Variants in ZNF697 observed in about 807,000 individuals in gnomAD.
The protein encoded by ZNF697 is zinc finger protein 697.
ZNF697 carries 23 observed loss-of-function variants against 32.4 expected under a neutral mutation model. That is an observed-to-expected ratio of 0.71 (90% CI 0.51 to 1.01). The LOEUF (loss-of-function observed/expected upper bound fraction) is 1.01. ZNF697 is among the 50% of genes least tolerant of loss of function. The probability of loss-of-function intolerance (pLI) is 0.00; values close to 1 mark genes in which losing one functional copy is unlikely to be tolerated. For synonymous variants in ZNF697, 418 were observed against 337.2 expected (o/e 1.24, Z -2.62); for missense variants, 930 against 794.0 (o/e 1.17, Z -2.06).
rs948143089 is a variant in ZNF697 at position 119,620,719 on chromosome 1, A to G, written c.*1986T>C. 6.6e-6 allele frequency: 1 copy of G among 152,670 alleles called. No homozygotes were observed. 9.5% of individuals were successfully genotyped at this position (152,670 alleles called of 1,614,324 possible). On this transcript the variant is annotated 3_prime_UTR_variant, in exon 3 of 3. Transcript: ENST00000421812. Reference sequence around the variant, plus strand: ...GATTAAGAGGGCAAGATCAACAGGCATTATACAAGCCCAGAATTATCAGGA... The same window carrying G: ...GATTAAGAGGGCAAGATCAACAGGCGTTATACAAGCCCAGAATTATCAGGA...
intron 1 of ZNF697, among the ~76,000 whole-genome samples, chr1:119,641,107 C>G (rs1432547563): frequency 6.6e-6 from 1 of 152,152 alleles, no homozygotes; most frequent in Non-Finnish European, 1.5e-5. Context: ...TACCACACCA[C>G]CTATTCAATC....
chr1:119,621,265 GTCAGGCTACAATTAT>G lies in ZNF697; in HGVS notation c.*1425_*1439del, dbSNP rs1363746701. On this transcript the variant is annotated 3_prime_UTR_variant, in exon 3 of 3. Transcript: ENST00000421812. ...GCAGCTGAGCTGGAGAATGCAAAAG[GTCAGGCTACAATTAT>G]TCACACTGTCCTCAGCCTCTCTTCA... 7 of 152,288 alleles carry G rather than the reference GTCAGGCTACAATTAT, an allele frequency of 4.6e-5. No homozygotes were observed. The highest frequency in any genetic ancestry group is 4.6e-4 in the Admixed American group (7 of 15,284). 9.4% of individuals were successfully genotyped at this position (152,288 alleles called of 1,614,324 possible). A position where few individuals can be genotyped will look rare whatever the true frequency, so the allele number is the denominator to read the frequency against.
chr1:119,625,488 C>A (rs1193217414), intron 2 of ZNF697, among the ~76,000 whole-genome samples: 1 of 152,186 alleles, frequency 6.6e-6, no homozygotes, highest in Non-Finnish European at 1.5e-5. Context: ...CATCTGGATA[C>A]CTCCTATTTG....
chr1:119,638,005 GGAAGACCAT>G (rs1322646816), intron 1 of ZNF697, among the ~76,000 whole-genome samples: 1 of 151,648 alleles, frequency 6.6e-6, no homozygotes, highest in African/African-American at 2.4e-5. Flanking sequence ...AAAGGAGAGG[GGAAGACCAT>G]GAAGCCTCAA....
Position 119,625,991 on chromosome 1 carries a change from C to G in ZNF697, c.110G>C (p.Arg37Thr). Reference sequence around the variant, plus strand: ...GTCATGTGGATTAGAGCCCATTTCTCTTTCTTCTGGGTCCCCTTCCCTGTC... The same window carrying G: ...GTCATGTGGATTAGAGCCCATTTCTGTTTCTTCTGGGTCCCCTTCCCTGTC... ...SEDREGDPEE[R>T]EMGSNPHDTN... Residue 37 changes from arginine to threonine, a missense_variant, in exon 2 of 3, where the codon AGA (arginine) becomes ACA (threonine). Transcript: ENST00000421812. 1.9e-6 allele frequency: 3 copies of G among 1,614,048 alleles called. No homozygotes were observed. The highest frequency in any genetic ancestry group is 1.7e-6 in the Non-Finnish European group (2 of 1,179,904).
chr1:119,639,945 C>G (rs1357289500), intron 1 of ZNF697, among the ~76,000 whole-genome samples: 1 of 152,162 alleles, frequency 6.6e-6, no homozygotes, highest in African/African-American at 2.4e-5. Context: ...AATTGTTCAA[C>G]CTCTTTTGGC....
intron 1 of ZNF697, among the ~76,000 whole-genome samples, chr1:119,630,016 C>T (rs1553229182): frequency 6.6e-6 from 1 of 152,310 alleles, no homozygotes; most frequent in Middle Eastern, 3.4e-3. Flanking sequence ...TAAACCCTAA[C>T]GTACACCATC....
chr1:119,639,280 C>T (rs1043830013), intron 1 of ZNF697, among the ~76,000 whole-genome samples: 1 of 152,166 alleles, frequency 6.6e-6, no homozygotes, highest in Non-Finnish European at 1.5e-5. Context: ...GCAGTACACA[C>T]TCTTACTAGT....
chr1:119,631,603 G>A (rs1470914753), intron 1 of ZNF697, among the ~76,000 whole-genome samples: 4 of 151,912 alleles, frequency 2.6e-5, no homozygotes, highest in Non-Finnish European at 5.9e-5. Context: ...GGCCCCGCTT[G>A]GGCCCCGCCT....
chr1:119,623,318 G>A lies in ZNF697; in HGVS notation c.1025C>T (p.Ala342Val). 1.5e-6 allele frequency: 2 copies of A among 1,304,620 alleles called. No individual in the cohort carries two copies. The highest frequency in any genetic ancestry group is 3.4e-5 in the East Asian group (1 of 29,270). The allele number at this position is 1,304,620 out of a possible 1,614,324, so 80.8% of individuals were successfully genotyped here. The change falls in exon 3 of 3, where the codon GCC becomes GTC. Residue 342 changes from alanine to valine, a missense_variant. By Grantham distance (64) the Ala-to-Val change is moderately conservative. Coordinates refer to ENST00000421812, the MANE Select transcript of ZNF697 (RefSeq NM_001080470.2). ...CAGCGCCGCCGCCCCCGCGCCGCTGGCCGCCGCGTGCGCGCGCCGGTGGCT... is the reference window on the plus strand; with the variant it reads ...CAGCGCCGCCGCCCCCGCGCCGCTGACCGCCGCGTGCGCGCGCCGGTGGCT... ...LLSHRRAHAA[A>V]SGAGAAALRP...
At chr1:119,630,704 T>G (rs1648736651) in intron 1 of ZNF697, among the ~76,000 whole-genome samples, 1 of 151,966 alleles carries the variant, frequency 6.6e-6, no homozygotes, top group South Asian at 2.1e-4. Flanking sequence ...TACAAAAACT[T>G]TTTACAAAAT....
At position 119,623,504 on chromosome 1, in the gene ZNF697, A is replaced by C. The variant is rs1256809319; in HGVS notation, c.839T>G (p.Leu280Arg). ...GGGCCGCTCGCCCGTGTGCAGGCGC[A>C]GGTGGTTGGTCAGGTAGGTGTTGCG... ...FSRNTYLTNH[L>R]RLHTGERPNL... The change falls in exon 3 of 3, where the codon CTG (leucine) becomes CGG (arginine). Residue 280 changes from leucine to arginine, a missense_variant. Transcript: ENST00000421812. 10 of 1,565,676 alleles carry C rather than the reference A, an allele frequency of 6.4e-6. 1 individual carries two copies. The highest frequency in any genetic ancestry group is 1.8e-5 in the Admixed American group (1 of 55,120).
intron 1 of ZNF697, among the ~76,000 whole-genome samples, chr1:119,635,082 A>C (rs779319961): frequency 6.6e-6 from 1 of 152,254 alleles, no homozygotes; most frequent in Non-Finnish European, 1.5e-5. Context: ...TGGTATATAT[A>C]GGCTTATTAC....
chr1:119,635,047 A>G (rs2101090002), intron 1 of ZNF697, among the ~76,000 whole-genome samples: 1 of 152,346 alleles, frequency 6.6e-6, no homozygotes, highest in East Asian at 1.9e-4. Context: ...TTGGTCATAT[A>G]TTGACCACTG....
intron 1 of ZNF697, among the ~76,000 whole-genome samples, chr1:119,630,450 C>T (rs1648728603): frequency 6.6e-6 from 1 of 152,212 alleles, no homozygotes; most frequent in Non-Finnish European, 1.5e-5. Flanking sequence ...AACAAGACTG[C>T]TCAAATCCTG....
Position 119,647,322 on chromosome 1 carries a change from A to G in ZNF697, c.-38+369T>C, listed in dbSNP as rs190022282. 7.0e-4 allele frequency among the ~76,000 whole-genome samples: 106 copies of G among 152,142 alleles called. 1 individual carries two copies. The highest frequency in any genetic ancestry group is 2.5e-3 in the African/African-American group (105 of 41,526). ...GGCATCCCCGCGAGGTGCAGGTTCCAGCTTTGCCCACCACCCCACCACCTA... is the reference window on the plus strand; with the variant it reads ...GGCATCCCCGCGAGGTGCAGGTTCCGGCTTTGCCCACCACCCCACCACCTA... On this transcript the variant is annotated intron_variant, in intron 1 of 2. Transcript: ENST00000421812.
In ZNF697 at chr1:119,623,077, C is replaced by A; in HGVS notation, c.1266G>T (p.Ser422=). 6.3e-7 allele frequency: 1 copy of A among 1,577,424 alleles called. No homozygotes were observed. Among genetic ancestry groups the A allele is most frequent in the Non-Finnish European group, 8.6e-7 (1 of 1,163,440 alleles). ...GCGTGCGCTTGTGCGTGAAGAGGTGCGAGCTGACGCTGAAGGTCTCGCCGC... is the reference window on the plus strand; with the variant it reads ...GCGTGCGCTTGTGCGTGAAGAGGTGAGAGCTGACGCTGAAGGTCTCGCCGC... ...SECGETFSVS[S]HLFTHKRTHS... Residue 422 remains serine, a synonymous_variant, in exon 3 of 3, where the codon TCG becomes TCT. Coordinates refer to ENST00000421812, the MANE Select transcript of ZNF697 (RefSeq NM_001080470.2).
At chr1:119,626,694 G>GACAC in intron 1 of ZNF697, among the ~76,000 whole-genome samples, 1 of 152,232 alleles carries the variant, frequency 6.6e-6, no homozygotes, top group South Asian at 2.1e-4. Flanking sequence ...AAGAATAATA[G>GACAC]AAGCATCAAG....
Position 119,622,735 on chromosome 1 carries a change from G to T in ZNF697, c.1608C>A (p.Leu536=). 6.4e-7 allele frequency: 1 copy of T among 1,560,422 alleles called. No homozygotes were observed. Among genetic ancestry groups the T allele is most frequent in the Non-Finnish European group, 8.7e-7 (1 of 1,152,054 alleles). ...CGKGFRYKTH[L]AQHQKLHLC Reference sequence around the variant, plus strand: ...ACAGGTGCAGCTTCTGGTGCTGCGCGAGGTGCGTTTTATAGCGGAAGCCTT... The same window carrying T: ...ACAGGTGCAGCTTCTGGTGCTGCGCTAGGTGCGTTTTATAGCGGAAGCCTT... Residue 536 remains leucine (L), a synonymous_variant, in exon 3 of 3, where the codon CTC becomes CTA. Transcript: ENST00000421812.
Sources: allele counts gnomAD v4.1 joint callset (sites outside exome capture counted in the v4.1 genomes callset), GRCh38; gene constraint gnomAD v4.1.1; transcripts MANE v1.5; gene names NCBI Gene and HGNC (gene_info 2026-07-23, HGNC 2026-07-21).